ZNF469: variants seen among roughly 807,000 people sequenced by gnomAD.
ZNF469 encodes the protein zinc finger protein 469.
In ZNF469, 1 loss-of-function variant was observed where a neutral mutation model predicts 1.0. The observed-to-expected ratio is 1.00, with a 90% CI of 0.35 to 4.73. The LOEUF (loss-of-function observed/expected upper bound fraction) is 4.73, where lower values mean the gene tolerates loss of function less well. Among genes scored for constraint, ZNF469 ranks in the 30% most tolerant of loss-of-function variants. ZNF469 has a pLI of 0.16. For synonymous variants in ZNF469, 2,703 were observed against 2,363.4 expected (o/e 1.14, Z -4.17); for missense variants, 6,100 against 5,356.3 (o/e 1.14, Z -4.33).
the ZNF469 span, among the ~76,000 whole-genome samples, chr16:88,127,566 C>T: frequency 0.82 from 123,952 of 151,986 alleles, 51,244 homozygotes; most frequent in Middle Eastern, 0.91. Flanking sequence ...AGGAGGAGGG[C>T]GGTATTCAGA....
the ZNF469 span, among the ~76,000 whole-genome samples, chr16:88,206,572 A>C: frequency 1.3e-5 from 2 of 151,966 alleles, no homozygotes; most frequent in African/African-American, 4.8e-5. Context: ...AAAAAAACAA[A>C]CAAACAAACA....
chr16:88,140,445 G>A, the ZNF469 span, among the ~76,000 whole-genome samples: 1 of 149,826 alleles, frequency 6.7e-6, no homozygotes, highest in Admixed American at 6.6e-5. Context: ...GGAGGACGGA[G>A]CCACGTAGAA....
Position 88,430,548 on chromosome 16 carries a change from G to T in ZNF469, c.3078G>T (p.Arg1026=). 1 of 1,469,984 alleles carries T rather than the reference G, an allele frequency of 6.8e-7. No individual in the cohort carries two copies. 91.1% of individuals were successfully genotyped at this position (1,469,984 alleles called of 1,614,324 possible). The change falls in exon 3 of 3, where the codon CGG becomes CGT. Residue 1026 remains arginine (R), a synonymous_variant. Transcript: ENST00000565624. ...TCCCCGAGGAGACCCGCAGCTCCCG[G>T]CGCCGCCGGCTGCCCCCCAGGAAGG... ...AALPEETRSS[R]RRRLPPRKDP...
chr16:88,117,571 C>CGGGG, the ZNF469 span, among the ~76,000 whole-genome samples: 2 of 152,136 alleles, frequency 1.3e-5, no homozygotes, highest in African/African-American at 2.4e-5. Flanking sequence ...CACGTGCCTT[C>CGGGG]ACGGACCGTG....
the ZNF469 span, among the ~76,000 whole-genome samples, chr16:88,120,719 A>G: frequency 2.0e-5 from 3 of 152,216 alleles, no homozygotes. Flanking sequence ...AGCTCCCAGC[A>G]CGGTGGAAGG....
At chr16:88,148,864 T>G in the ZNF469 span, among the ~76,000 whole-genome samples, 1 of 152,148 alleles carries the variant, frequency 6.6e-6, no homozygotes, top group Non-Finnish European at 1.5e-5. Context: ...TGACCTCTTG[T>G]GCCGGGGGGT....
the ZNF469 span, among the ~76,000 whole-genome samples, chr16:88,104,905 A>G: frequency 4.0e-5 from 6 of 151,892 alleles, no homozygotes; most frequent in Non-Finnish European, 7.4e-5. Context: ...TGGAGAGGAC[A>G]CTTCTTGGGT....
the ZNF469 span, among the ~76,000 whole-genome samples, chr16:88,343,478 G>T: frequency 0.12 from 17,607 of 152,176 alleles, 1,309 homozygotes; most frequent in African/African-American, 0.21. Flanking sequence ...CAGAGTGTGT[G>T]TCTTAGTCCA....
At position 88,437,990 on chromosome 16, in the gene ZNF469, C is replaced by T; in HGVS notation, c.10520C>T (p.Ala3507Val). 6.5e-7 allele frequency: 1 copy of T among 1,548,804 alleles called. No individual in the cohort carries two copies. The highest frequency in any genetic ancestry group is 8.7e-7 in the Non-Finnish European group (1 of 1,146,906). ...ATCCTGAGTGAGGGCTCTCTCCCGGCCCTGCTCCACCTGTGTTCGGAGGTG... is the reference window on the plus strand; with the variant it reads ...ATCCTGAGTGAGGGCTCTCTCCCGGTCCTGCTCCACCTGTGTTCGGAGGTG... ...SPILSEGSLP[A>V]LLHLCSEVAP... The change falls in exon 3 of 3, where the codon GCC becomes GTC. Residue 3507 changes from alanine to valine, a missense_variant. Transcript: ENST00000565624.
At chr16:88,239,697 A>G in the ZNF469 span, among the ~76,000 whole-genome samples, 2 of 6,576 alleles carry the variant, frequency 3.0e-4, 1 homozygote, top group Non-Finnish European at 4.9e-4. Context: ...ATATATATAT[A>G]TATATATATA....
chr16:88,272,445 G>A, the ZNF469 span, among the ~76,000 whole-genome samples: 1 of 148,194 alleles, frequency 6.7e-6, no homozygotes, highest in African/African-American at 2.5e-5. Flanking sequence ...TTGTATGCTG[G>A]GTGGTGAGAT....
At chr16:88,161,594 G>T in the ZNF469 span, among the ~76,000 whole-genome samples, 1 of 152,198 alleles carries the variant, frequency 6.6e-6, no homozygotes, top group African/African-American at 2.4e-5. Flanking sequence ...GCTCACGAGG[G>T]TATCGAAACT....
At chr16:88,236,595 G>C in the ZNF469 span, among the ~76,000 whole-genome samples, 1 of 152,218 alleles carries the variant, frequency 6.6e-6, no homozygotes, top group Non-Finnish European at 1.5e-5. Flanking sequence ...GGCTGGGCGC[G>C]GTATCTCACG....
At chr16:88,113,648 C>T in the ZNF469 span, among the ~76,000 whole-genome samples, 1 of 152,328 alleles carries the variant, frequency 6.6e-6, no homozygotes, top group African/African-American at 2.4e-5. Context: ...AAGGCTCTCG[C>T]AGCTGAAGGG....
the ZNF469 span, among the ~76,000 whole-genome samples, chr16:88,342,826 G>A: frequency 6.6e-6 from 1 of 152,256 alleles, no homozygotes; most frequent in Non-Finnish European, 1.5e-5. Flanking sequence ...AATGACGCCA[G>A]CATAGGGCGA....
rs925716304 is a variant in ZNF469 at position 88,435,129 on chromosome 16, G to A, written c.7659G>A (p.Pro2553=). The A allele has an allele frequency of 6.5e-6, 10 of 1,550,228 alleles. No individual in the cohort carries two copies. The highest frequency in any genetic ancestry group is 4.9e-5 in the East Asian group (2 of 40,934). ...ACCCCAGCCACGTCACCCAGCCACC[G>A]CCTGCCCAGGGCTCAAAGGAGGTTC... ...RGDPSHVTQP[P]PAQGSKEVLR... is the part of the protein sequence containing the mutation. The change falls in exon 3 of 3, where the codon CCG becomes CCA. Residue 2553 remains proline, a synonymous_variant. Transcript: ENST00000565624.
the ZNF469 span, among the ~76,000 whole-genome samples, chr16:88,103,735 C>T: frequency 2.1e-4 from 32 of 150,832 alleles, no homozygotes; most frequent in South Asian, 4.2e-4. Flanking sequence ...CACGAGGGAG[C>T]GGTGGAATAA....
the ZNF469 span, chr16:88,193,808 C>G: frequency 2.6e-5 from 4 of 152,280 alleles, no homozygotes; most frequent in Non-Finnish European, 5.9e-5. Flanking sequence ...TCAGTAGAGA[C>G]AGTGTCTGGT....
At chr16:88,305,499 C>T in the ZNF469 span, among the ~76,000 whole-genome samples, 2 of 149,102 alleles carry the variant, frequency 1.3e-5, no homozygotes, top group Non-Finnish European at 3.0e-5. Flanking sequence ...CACAGGCACA[C>T]ACGCACACCC....
Sources: allele counts gnomAD v4.1 joint callset (sites outside exome capture counted in the v4.1 genomes callset), GRCh38; gene constraint gnomAD v4.1.1; transcripts MANE v1.5; gene names NCBI Gene and HGNC (gene_info 2026-07-23, HGNC 2026-07-21).